CTNNA2: variants seen among roughly 807,000 people sequenced by gnomAD.
The protein encoded by CTNNA2 is catenin alpha 2.
A neutral mutation model predicts 101.0 loss-of-function variants in CTNNA2; 42 were observed. The observed-to-expected ratio is 0.42, with a 90% CI of 0.32 to 0.54. The LOEUF (loss-of-function observed/expected upper bound fraction) is 0.54, where lower values mean the gene tolerates loss of function less well. CTNNA2 is among the 20% of genes least tolerant of loss of function. The pLI, the probability that CTNNA2 is intolerant of heterozygous loss-of-function variation, is 0.14. For missense variants in CTNNA2, 871 were observed against 1,223.1 expected, an observed-to-expected ratio of 0.71 and a Z score of 4.29; for synonymous variants, 450 against 456.4, an observed-to-expected ratio of 0.99 and a Z score of 0.18.
chr2:80,207,870 C>A (rs1413576549), intron 7 of CTNNA2, among the ~76,000 whole-genome samples: 1 of 151,854 alleles, frequency 6.6e-6, no homozygotes, highest in Non-Finnish European at 1.5e-5. Context: ...AGGGGAGCAA[C>A]TAAGAAAGGG....
intron 7 of CTNNA2, among the ~76,000 whole-genome samples, chr2:80,232,704 CCTT>C (rs1262357204): frequency 6.6e-6 from 1 of 152,076 alleles, no homozygotes; most frequent in African/African-American, 2.4e-5. Context: ...GAAAGCCAGA[CCTT>C]CTGCCCTTGG....
intron 1 of CTNNA2, among the ~76,000 whole-genome samples, chr2:79,634,211 CA>C (rs1219242792): frequency 2.0e-5 from 3 of 152,180 alleles, no homozygotes; most frequent in Non-Finnish European, 4.4e-5. Context: ...GGTATTCCTG[CA>C]GCAAAATGGC....
At chr2:80,633,563 G>A (rs1029200260) in intron 18 of CTNNA2, among the ~76,000 whole-genome samples, 19 of 152,162 alleles carry the variant, frequency 1.2e-4, no homozygotes, top group Non-Finnish European at 2.6e-4. Context: ...CAATAGCCAG[G>A]AATAAAGACT....
chr2:80,294,083 C>A (rs1005598130), intron 7 of CTNNA2, among the ~76,000 whole-genome samples: 3 of 152,000 alleles, frequency 2.0e-5, no homozygotes, highest in Non-Finnish European at 2.9e-5. Flanking sequence ...ATGACACAAC[C>A]AATCAGAGAA....
chr2:79,421,350 G>A (rs541444541), intron 4 of CTNNA2, among the ~76,000 whole-genome samples: 7 of 152,224 alleles, frequency 4.6e-5, no homozygotes, highest in Admixed American at 1.3e-4. Context: ...AGGAACTTAC[G>A]CGAGAGCTGA....
At chr2:79,958,363 A>G (rs555661227) in intron 7 of CTNNA2, among the ~76,000 whole-genome samples, 8 of 152,308 alleles carry the variant, frequency 5.3e-5, no homozygotes, top group Admixed American at 5.2e-4. Flanking sequence ...GATGTAATTT[A>G]GTTAAGGATC....
intron 7 of CTNNA2, among the ~76,000 whole-genome samples, chr2:80,051,608 A>G (rs965601247): frequency 4.6e-5 from 7 of 152,218 alleles, no homozygotes; most frequent in African/African-American, 1.7e-4. Flanking sequence ...CCCAAAATCA[A>G]TTTGAAAAAC....
chr2:79,489,069 CTCTTTGTATTGCTCCTACTGCT>C (rs1261883606), intron 4 of CTNNA2, among the ~76,000 whole-genome samples: 1 of 152,112 alleles, frequency 6.6e-6, no homozygotes, highest in Non-Finnish European at 1.5e-5. Context: ...ACTTTCGGCT[CTCTTTGTATTGCTCCTACTGCT>C]TCTACTCTAT....
chr2:79,818,388 C>G (rs910947820), intron 3 of CTNNA2, among the ~76,000 whole-genome samples: 1 of 151,946 alleles, frequency 6.6e-6, no homozygotes, highest in African/African-American at 2.4e-5. Flanking sequence ...TCGTGGCTCA[C>G]TGCAGACTCT....
chr2:79,927,794 AT>A (rs1320177261), intron 7 of CTNNA2, among the ~76,000 whole-genome samples: 2 of 152,306 alleles, frequency 1.3e-5, no homozygotes, highest in African/African-American at 4.8e-5. Context: ...TGATTTAATC[AT>A]TATGCTATCA....
chr2:79,716,385 T>G (rs1222147314), intron 2 of CTNNA2, among the ~76,000 whole-genome samples: 1 of 152,134 alleles, frequency 6.6e-6, no homozygotes, highest in Non-Finnish European at 1.5e-5. Flanking sequence ...AGCACCTCAG[T>G]GTTGCATCCA....
intron 12 of CTNNA2, among the ~76,000 whole-genome samples, chr2:80,573,638 T>A (rs1263483103): frequency 6.6e-6 from 1 of 152,210 alleles, no homozygotes; most frequent in Non-Finnish European, 1.5e-5. Flanking sequence ...GGTTAAGGTC[T>A]GCTACTCACC....
chr2:80,291,508 T>C (rs987289688), intron 7 of CTNNA2, among the ~76,000 whole-genome samples: 1 of 152,186 alleles, frequency 6.6e-6, no homozygotes, highest in Non-Finnish European at 1.5e-5. Flanking sequence ...ATTTGTTAAA[T>C]TTCCTTGAGC....
chr2:80,234,125 C>T (rs1343397159), intron 7 of CTNNA2, among the ~76,000 whole-genome samples: 2 of 151,962 alleles, frequency 1.3e-5, no homozygotes, highest in South Asian at 2.1e-4. Flanking sequence ...TGGCTCACTG[C>T]AACCTCCACC....
At chr2:80,215,671 T>C (rs1708218378) in intron 7 of CTNNA2, among the ~76,000 whole-genome samples, 1 of 152,192 alleles carries the variant, frequency 6.6e-6, no homozygotes, top group Non-Finnish European at 1.5e-5. Context: ...AGTCGGCCCC[T>C]ACTGGGAGGT....
At chr2:80,434,089 G>A (rs1681798374) in intron 9 of CTNNA2, among the ~76,000 whole-genome samples, 1 of 152,190 alleles carries the variant, frequency 6.6e-6, no homozygotes, top group Non-Finnish European at 1.5e-5. Flanking sequence ...TGACATGTGT[G>A]CAAGTGATTT....
chr2:80,606,821 A>G (rs1698068994), intron 16 of CTNNA2, among the ~76,000 whole-genome samples: 1 of 152,020 alleles, frequency 6.6e-6, no homozygotes. Context: ...TGTTCCATTG[A>G]GATAGAACTT....
chr2:80,640,350 A>C (rs3770377), intron 18 of CTNNA2, among the ~76,000 whole-genome samples: 46,085 of 152,050 alleles, frequency 0.3, 7,814 homozygotes, highest in East Asian at 0.45. Flanking sequence ...AATGCCTGCC[A>C]TGGACACTAT....
At chr2:80,281,756 ATTAC>A (rs1224010504) in intron 7 of CTNNA2, among the ~76,000 whole-genome samples, 2 of 152,082 alleles carry the variant, frequency 1.3e-5, no homozygotes, top group African/African-American at 2.4e-5. Context: ...TATTAATGAA[ATTAC>A]TTAAATATAA....
Sources: gnomAD v4.1 joint callset for allele counts (sites outside exome capture counted in the v4.1 genomes callset) on GRCh38, gnomAD v4.1.1 for gene constraint, MANE v1.5 for transcripts, NCBI Gene and HGNC (gene_info 2026-07-23, HGNC 2026-07-21) for gene names.